The following AKNA variants were observed in gnomAD, a reference collection of about 807,000 sequenced individuals.
The protein encoded by AKNA is microtubule organization protein AKNA.
AKNA carries 67 observed loss-of-function variants against 138.8 expected under a neutral mutation model. The ratio of observed to expected loss-of-function variants is 0.48; its 90% CI spans 0.40 to 0.59. The LOEUF is 0.59. AKNA is among the 20% of genes least tolerant of loss of function. The probability of loss-of-function intolerance (pLI) is 0.00; values close to 1 mark genes in which losing one functional copy is unlikely to be tolerated. For synonymous variants in AKNA, 737 were observed against 754.4 expected (o/e 0.98, Z 0.38); for missense variants, 1,813 against 1,880.4 (o/e 0.96, Z 0.66).
chr9:114,377,283 C>T lies in AKNA; in HGVS notation c.524G>A (p.Gly175Asp). Residue 175 changes from glycine to aspartate, a missense_variant, in exon 3 of 22, where the codon GGC becomes GAC. Physicochemically the swap from Gly to Asp is moderately conservative, Grantham distance 94. Coordinates refer to ENST00000374088, the MANE Select transcript of AKNA (RefSeq NM_001317950.2). ...AAGTTTGTCCCCACTGGCTTGTTCG[C>T]CAGAAGCCACCCAGCCCCTGGCCTG... ...HGQARGWVAS[G>D]EQASGDKLSE... 1 of 1,614,184 alleles carries T rather than the reference C, an allele frequency of 6.2e-7. No homozygotes were observed. Among genetic ancestry groups the T allele is most frequent in the Non-Finnish European group, 8.5e-7 (1 of 1,180,016 alleles).
chr9:114,376,756 G>C lies in AKNA; in HGVS notation c.1051C>G (p.Arg351Gly), dbSNP rs757454198. The C allele has an allele frequency of 2.5e-6, 4 of 1,612,588 alleles. No homozygotes were observed. In the Admixed American group the frequency reaches 6.7e-5, roughly 27 times the overall value. Residue 351 changes from arginine to glycine, a missense_variant, in exon 3 of 22, where the codon CGG (arginine) becomes GGG (glycine). Transcript: ENST00000374088. ...GGGAGTGGGTAGTTCAACTGCCCCC[G>C]GCCATACTTGGGGGCATTAGAAGAG... ...RSSSNAPKYG[R>G]GQLNYPLPDF...
At chr9:114,382,748 T>G (rs1833779249) in intron 1 of AKNA, among the ~76,000 whole-genome samples, 2 of 152,172 alleles carry the variant, frequency 1.3e-5, no homozygotes, top group Admixed American at 6.5e-5. Flanking sequence ...TATAGTGTGA[T>G]TCTATGGATA....
Position 114,358,120 on chromosome 9 carries a change from G to C in AKNA, c.2540C>G (p.Ala847Gly). 6.2e-7 allele frequency: 1 copy of C among 1,614,228 alleles called. No individual in the cohort carries two copies. Among genetic ancestry groups the C allele is most frequent in the Middle Eastern group, 1.7e-4 (1 of 6,058 alleles). ...CATGTGCCCGTCTCTAGCCAGGGAT[G>C]CCTGGAAACCTGGTGGCTTCATAGA... ...MVSMKPPGFQASLARDGHMSG... is the reference protein window; with the variant it reads ...MVSMKPPGFQGSLARDGHMSG... Residue 847 changes from alanine to glycine, a missense_variant, in exon 12 of 22, where the codon GCA (alanine) becomes GGA (glycine). By Grantham distance (60) the Ala-to-Gly change is moderately conservative. Transcript: ENST00000374088.
At chr9:114,375,112 T>A (rs1372741280) in intron 3 of AKNA, among the ~76,000 whole-genome samples, 1 of 152,180 alleles carries the variant, frequency 6.6e-6, no homozygotes, top group Non-Finnish European at 1.5e-5. Flanking sequence ...CCCACGCCCG[T>A]GGAGCTCATG....
rs1336639184 is a variant in AKNA at position 114,346,033 on chromosome 9, C to G, written c.3515-24G>C. On this transcript the variant is annotated intron_variant, in intron 17 of 21. Transcript: ENST00000374088. Reference sequence around the variant, plus strand: ...ACCTGGGGTAGAAAAAGTGGGGCATCAGAGGGGGCAAGGGGTGGGGGTCAC... The same window carrying G: ...ACCTGGGGTAGAAAAAGTGGGGCATGAGAGGGGGCAAGGGGTGGGGGTCAC... 12 of 1,604,066 alleles carry G rather than the reference C, an allele frequency of 7.5e-6. No individual in the cohort carries two copies. The Admixed American group carries it at 2.0e-4, about 27-fold the overall frequency.
intron 7 of AKNA, 128 bp downstream of exon 7, chr9:114,364,432 G>T: frequency 1.1e-6 from 1 of 906,816 alleles, no homozygotes; most frequent in Non-Finnish European, 1.8e-6. Context: ...GGAACTGTTT[G>T]CTCTAAAAGA....
At chr9:114,383,773 C>T (rs979082505) in intron 1 of AKNA, among the ~76,000 whole-genome samples, 4 of 152,174 alleles carry the variant, frequency 2.6e-5, no homozygotes, top group African/African-American at 9.7e-5. Context: ...CAAAGTTCCC[C>T]AGGGAACAGT....
chr9:114,361,456 C>A (rs185623244), intron 9 of AKNA, among the ~76,000 whole-genome samples: 1 of 152,188 alleles, frequency 6.6e-6, no homozygotes, highest in East Asian at 1.9e-4. Context: ...ATCACTGTAA[C>A]CAGTTCAACT....
chr9:114,338,688 T>C (rs1830147986), intron 21 of AKNA, among the ~76,000 whole-genome samples: 1 of 152,234 alleles, frequency 6.6e-6, no homozygotes, highest in African/African-American at 2.4e-5. Context: ...CATGGGACTC[T>C]GGACAAGCTA....
In AKNA at chr9:114,337,012, T is replaced by TGGGGGGGGGGC; in HGVS notation, c.*41_*42insGCCCCCCCCCC. 2.5e-6 allele frequency: 3 copies of TGGGGGGGGGGC among 1,208,224 alleles called. No individual in the cohort carries two copies. Among genetic ancestry groups the TGGGGGGGGGGC allele is most frequent in the African/African-American group, 1.6e-5 (1 of 63,502 alleles). The allele number at this position is 1,208,224 out of a possible 1,614,324, so 74.8% of individuals were successfully genotyped here. A position where few individuals can be genotyped will look rare whatever the true frequency, so the allele number is the denominator to read the frequency against. ...CCCACTCCTGGCCTGGCAGGCCACCTGCCCACCCACCCACCCATCTGCCTC... is the reference window on the plus strand; with the variant it reads ...CCCACTCCTGGCCTGGCAGGCCACCTGGGGGGGGGGCGCCCACCCACCCACCCATCTGCCTC... On this transcript the variant is annotated 3_prime_UTR_variant, in exon 22 of 22. Coordinates refer to ENST00000374088, the MANE Select transcript of AKNA (RefSeq NM_001317950.2).
downstream of AKNA, chr9:114,330,959 C>G (rs777006001): frequency 6.0e-5 from 58 of 970,876 alleles, no homozygotes; most frequent in Non-Finnish European, 8.3e-5. Flanking sequence ...GCTTTGGGCA[C>G]AGAGAAATAA....
downstream of AKNA, chr9:114,331,770 T>C (rs1829857230): frequency 6.3e-7 from 1 of 1,586,592 alleles, no homozygotes; most frequent in African/African-American, 1.4e-5. Context: ...CAGCCCTCCC[T>C]GGCCTCCCGC....
At chr9:114,347,681 T>C (rs942471099) in intron 16 of AKNA, 43 bp downstream of exon 16, 3 of 1,474,130 alleles carry the variant, frequency 2.0e-6, no homozygotes, top group Non-Finnish European at 2.7e-6. Flanking sequence ...CTATCTTCTG[T>C]AGCTGCCACC....
At chr9:114,391,603 C>T (rs1469574833), upstream of AKNA, among the ~76,000 whole-genome samples, 2 of 152,156 alleles carry the variant, frequency 1.3e-5, no homozygotes. Flanking sequence ...AATCCCAGCA[C>T]TTTGGGAGGC....
rs760442671 is a variant in AKNA, at chr9:114,377,204, C to G, written c.603G>C (p.Trp201Cys). Residue 201 changes from tryptophan to cysteine, a missense_variant, in exon 3 of 22, where the codon TGG becomes TGC. Transcript: ENST00000374088. ...PSVELSPARS[W>C]SSGTVSLDHP... is the part of the protein sequence containing the mutation. Reference sequence around the variant, plus strand: ...GGTCGAGGCTCACTGTCCCACTGCTCCAGGACCTTGCCGGGCTGAGTTCAA... The same window carrying G: ...GGTCGAGGCTCACTGTCCCACTGCTGCAGGACCTTGCCGGGCTGAGTTCAA... 2 of 1,614,176 alleles carry G rather than the reference C, an allele frequency of 1.2e-6. No individual in the cohort carries two copies. The highest frequency in any genetic ancestry group is 2.2e-5 in the South Asian group (2 of 91,092).
chr9:114,352,671 C>T (rs559968560), intron 14 of AKNA, among the ~76,000 whole-genome samples: 57 of 151,878 alleles, frequency 3.8e-4, no homozygotes, highest in Middle Eastern at 6.8e-3. Flanking sequence ...GCCGGTAATC[C>T]CAGCACTTTG....
intron 14 of AKNA, among the ~76,000 whole-genome samples, chr9:114,354,197 T>A (rs7030691): frequency 0.1 from 15,911 of 152,146 alleles, 2,704 homozygotes; most frequent in African/African-American, 0.35. Context: ...AACTTTTTTT[T>A]AAAAAACTTT....
At chr9:114,389,851 C>T (rs755628995), upstream of AKNA, among the ~76,000 whole-genome samples, 1 of 152,190 alleles carries the variant, frequency 6.6e-6, no homozygotes, top group Non-Finnish European at 1.5e-5. Flanking sequence ...GGGCTAGAAC[C>T]AGGAGCCCTC....
At chr9:114,333,744 C>A (rs1829901591), downstream of AKNA, among the ~76,000 whole-genome samples, 2 of 146,088 alleles carry the variant, frequency 1.4e-5, no homozygotes, top group South Asian at 2.1e-4. Context: ...AAAAAAAATC[C>A]TTTTCTGTTT....
Sources: gnomAD v4.1 joint callset for allele counts (sites outside exome capture counted in the v4.1 genomes callset) on GRCh38, gnomAD v4.1.1 for gene constraint, MANE v1.5 for transcripts, NCBI Gene and HGNC (gene_info 2026-07-23, HGNC 2026-07-21) for gene names.